Variants in PTPRT observed in about 807,000 individuals in gnomAD.
PTPRT encodes the protein receptor-type tyrosine-protein phosphatase T.
A neutral mutation model predicts 176.8 loss-of-function variants in PTPRT; 56 were observed. The ratio of observed to expected loss-of-function variants is 0.32; its 90% CI spans 0.26 to 0.40. The LOEUF is 0.40. PTPRT is among the 10% of genes least tolerant of loss of function. The probability of loss-of-function intolerance (pLI) is 1.00; values close to 1 mark genes in which losing one functional copy is unlikely to be tolerated. For missense variants in PTPRT, 1,540 were observed against 1,908.2 expected, an observed-to-expected ratio of 0.81 and a Z score of 3.60; for synonymous variants, 783 against 739.0, an observed-to-expected ratio of 1.06 and a Z score of -0.96.
At chr20:42,060,802 G>A in the PTPRT span, among the ~76,000 whole-genome samples, 1 of 152,152 alleles carries the variant, frequency 6.6e-6, no homozygotes, top group African/African-American at 2.4e-5. Flanking sequence ...ACCCTACCCT[G>A]TTTCAACATC....
chr20:42,232,013 C>A (rs374736703), intron 15 of PTPRT, among the ~76,000 whole-genome samples: 2 of 152,230 alleles, frequency 1.3e-5, no homozygotes, highest in South Asian at 2.1e-4. Flanking sequence ...TAGCTCTTAC[C>A]ACTACATACT....
chr20:42,043,291 A>G, the PTPRT span, among the ~76,000 whole-genome samples: 1 of 152,212 alleles, frequency 6.6e-6, no homozygotes, highest in Middle Eastern at 3.2e-3. Flanking sequence ...CCACTGCCCT[A>G]GACTGTAAGT....
intron 1 of PTPRT, among the ~76,000 whole-genome samples, chr20:43,094,880 G>A (rs1325408136): frequency 6.6e-6 from 1 of 152,158 alleles, no homozygotes; most frequent in African/African-American, 2.4e-5. Flanking sequence ...GGGCTAACAG[G>A]GGTGTGCACA....
intron 6 of PTPRT, among the ~76,000 whole-genome samples, chr20:42,740,598 G>A (rs186284548): frequency 3.3e-4 from 51 of 152,334 alleles, no homozygotes; most frequent in African/African-American, 1.1e-3. Context: ...TCCTGGCAGT[G>A]AAATGGAGCC....
chr20:43,100,829 A>C lies in PTPRT; in HGVS notation c.88+88817T>G, dbSNP rs191306287. On this transcript the variant is annotated intron_variant, in intron 1 of 30. Transcript: ENST00000373187. ...CAGGTGGGAGAACCTAGGCTACGTT[A>C]TGAAGATGACATTTCCCATGCAAAT... 2.5e-3 allele frequency among the ~76,000 whole-genome samples: 381 copies of C among 152,344 alleles called. 3 individuals are homozygous for C. The highest frequency in any genetic ancestry group is 6.8e-3 in the Middle Eastern group (2 of 294).
At chr20:42,765,264 C>G (rs1244624673) in intron 5 of PTPRT, among the ~76,000 whole-genome samples, 1 of 152,178 alleles carries the variant, frequency 6.6e-6, no homozygotes, top group East Asian at 1.9e-4. Flanking sequence ...GTGGGGCTGA[C>G]AGACTCTGCT....
intron 12 of PTPRT, among the ~76,000 whole-genome samples, chr20:42,285,798 A>G (rs990311162): frequency 7.9e-6 from 1 of 127,124 alleles, no homozygotes; most frequent in Admixed American, 7.8e-5. Context: ...CAAAAACTTT[A>G]CCAAAAAAAC....
rs913157063 is a variant in PTPRT at position 42,085,921 on chromosome 20, C to G, written c.3847-68G>C. On this transcript the variant is annotated intron_variant, in intron 27 of 30. Coordinates refer to ENST00000373187, the MANE Select transcript of PTPRT (RefSeq NM_007050.6). ...GGGCGGGTATCAAAGTCTCATTTATCAACAAGCTTTTCTTTTCTTTTTTTC... is the reference window on the plus strand; with the variant it reads ...GGGCGGGTATCAAAGTCTCATTTATGAACAAGCTTTTCTTTTCTTTTTTTC... 4.7e-5 allele frequency: 68 copies of G among 1,450,204 alleles called. No individual in the cohort carries two copies. The African/African-American group carries it at 8.2e-4, about 18-fold the overall frequency. The allele number at this position is 1,450,204 out of a possible 1,614,324, so 89.8% of individuals were successfully genotyped here. A position where few individuals can be genotyped will look rare whatever the true frequency, so the allele number is the denominator to read the frequency against.
intron 1 of PTPRT, among the ~76,000 whole-genome samples, chr20:42,916,952 G>C (rs1268459265): frequency 6.6e-6 from 1 of 152,144 alleles, no homozygotes; most frequent in African/African-American, 2.4e-5. Flanking sequence ...CTGTGCAGAA[G>C]CTCTTTAGTT....
intron 10 of PTPRT, among the ~76,000 whole-genome samples, chr20:42,351,860 T>C (rs559126717): frequency 6.6e-6 from 1 of 152,354 alleles, no homozygotes; most frequent in African/African-American, 2.4e-5. Flanking sequence ...GTGGGAAAAT[T>C]ATTTAGTGGC....
chr20:43,050,557 C>T (rs571376741), intron 1 of PTPRT, among the ~76,000 whole-genome samples: 44 of 152,310 alleles, frequency 2.9e-4, no homozygotes, highest in Non-Finnish European at 5.4e-4. Context: ...GGTCCAAATC[C>T]GTTACAGGAA....
intron 7 of PTPRT, among the ~76,000 whole-genome samples, chr20:42,641,166 T>C (rs1345019755): frequency 6.6e-6 from 1 of 152,208 alleles, no homozygotes; most frequent in East Asian, 1.9e-4. Flanking sequence ...ATTAATTCTT[T>C]AGGATAATTT....
intron 9 of PTPRT, among the ~76,000 whole-genome samples, chr20:42,359,658 C>T (rs919679574): frequency 7.9e-5 from 12 of 152,230 alleles, no homozygotes; most frequent in South Asian, 2.1e-4. Context: ...CCTCACCAGC[C>T]GAAGGGCCCT....
intron 1 of PTPRT, among the ~76,000 whole-genome samples, chr20:43,136,672 C>T (rs2013842784): frequency 6.6e-6 from 1 of 152,174 alleles, no homozygotes; most frequent in Non-Finnish European, 1.5e-5. Flanking sequence ...CCCTCAGACA[C>T]CTCCACACCC....
At chr20:42,608,023 G>C (rs1369494825) in intron 7 of PTPRT, among the ~76,000 whole-genome samples, 1 of 152,152 alleles carries the variant, frequency 6.6e-6, no homozygotes, top group Non-Finnish European at 1.5e-5. Context: ...CTATGCCCTG[G>C]TGGGAGTACT....
chr20:42,581,381 T>C (rs1038882429), intron 7 of PTPRT, among the ~76,000 whole-genome samples: 1 of 152,230 alleles, frequency 6.6e-6, no homozygotes, highest in Non-Finnish European at 1.5e-5. Flanking sequence ...GGTTATTTTC[T>C]GTCTCCCACA....
At chr20:42,223,540 A>C (rs1327384540) in intron 15 of PTPRT, among the ~76,000 whole-genome samples, 2 of 152,226 alleles carry the variant, frequency 1.3e-5, no homozygotes, top group East Asian at 3.8e-4. Context: ...TTACAGAAGT[A>C]CAATTTTTGA....
chr20:42,054,984 C>A, the PTPRT span, among the ~76,000 whole-genome samples: 5 of 152,190 alleles, frequency 3.3e-5, no homozygotes, highest in African/African-American at 7.2e-5. Flanking sequence ...AAGAAGTTCT[C>A]TAGACGACGA....
At chr20:42,798,333 A>G (rs2145575804) in intron 2 of PTPRT, among the ~76,000 whole-genome samples, 1 of 152,352 alleles carries the variant, frequency 6.6e-6, no homozygotes, top group East Asian at 1.9e-4. Context: ...AGTCATAATA[A>G]AAGTGAAAGT....
Sources: allele counts gnomAD v4.1 joint callset (sites outside exome capture counted in the v4.1 genomes callset), GRCh38; gene constraint gnomAD v4.1.1; transcripts MANE v1.5; gene names NCBI Gene and HGNC (gene_info 2026-07-23, HGNC 2026-07-21).